Variants in ZNF335 observed in about 807,000 individuals in gnomAD.
ZNF335 encodes the protein zinc finger protein 335.
ZNF335 carries 84 observed loss-of-function variants against 145.6 expected under a neutral mutation model. The ratio of observed to expected loss-of-function variants is 0.58; its 90% CI spans 0.48 to 0.69. The LOEUF (loss-of-function observed/expected upper bound fraction) is 0.69. Among genes scored for constraint, ZNF335 ranks in the 30% least tolerant of loss-of-function variants. ZNF335 has a pLI of 0.00. For missense variants in ZNF335, 1,865 were observed against 1,809.7 expected, an observed-to-expected ratio of 1.03 and a Z score of -0.55; for synonymous variants, 761 against 717.0, an observed-to-expected ratio of 1.06 and a Z score of -0.98.
chr20:45,961,002 T>G, intron 10 of ZNF335, 120 bp from the exon 11 acceptor site: 1 of 1,351,118 alleles, frequency 7.4e-7, no homozygotes, highest in Non-Finnish European at 1.0e-6. Context: ...CCCTTTCTCT[T>G]AGAATAGTGC....
intron 15 of ZNF335, among the ~76,000 whole-genome samples, chr20:45,958,713 G>C (rs1005629576): frequency 3.3e-5 from 5 of 152,192 alleles, no homozygotes; most frequent in Admixed American, 3.3e-4. Context: ...ACGATCTTCA[G>C]GTGAAGTTCA....
chr20:45,962,113 G>A lies in ZNF335; in HGVS notation c.1603C>T (p.Arg535Trp), dbSNP rs769951683. Residue 535 changes from arginine (R) to tryptophan (W), a missense_variant, in exon 10 of 28, where the codon CGG becomes TGG. Arg to Trp is a moderately radical substitution (Grantham distance 101). Coordinates refer to ENST00000322927, the MANE Select transcript of ZNF335 (RefSeq NM_022095.4). ...CDECSYTSVY[R>W]KDVIRHAAVH... ...GCGGCGTGCCGAATGACGTCCTTCC[G>A]GTAGACACTGGTGTAGCTGCACTCG... The A allele has an allele frequency of 1.3e-5, 20 of 1,587,232 alleles. No homozygotes were observed. Among genetic ancestry groups the A allele is most frequent in the Admixed American group, 5.1e-5 (3 of 58,880 alleles).
intron 17 of ZNF335, among the ~76,000 whole-genome samples, chr20:45,954,431 G>A (rs938347577): frequency 3.3e-5 from 5 of 152,190 alleles, no homozygotes; most frequent in East Asian, 1.9e-4. Context: ...ATGGTTTAAA[G>A]ATTAAAATGT....
At chr20:45,950,183 CCT>C (rs1423127460) in intron 22 of ZNF335, 34 bp downstream of exon 22, 3 of 1,564,500 alleles carry the variant, frequency 1.9e-6, no homozygotes, top group Admixed American at 1.8e-5. Flanking sequence ...CTGGATCTAC[CCT>C]GTTGCCCACC....
chr20:45,961,386 G>A (rs2083840678), intron 10 of ZNF335: 1 of 154,186 alleles, frequency 6.5e-6, no homozygotes, highest in Non-Finnish European at 1.4e-5. Flanking sequence ...GTGAGACCCT[G>A]TCAATCAGTC....
In ZNF335 at chr20:45,967,860, G is replaced by C. The variant is rs745997566; in HGVS notation, c.688C>G (p.Leu230Val). The stretch of plus-strand genomic sequence containing the variant: ...TCCATCATGGCCTCCAGGCTCTGCA[G>C]GTCCGGCTCTTCGGCACCGGAGGCT... ...PPASGAEEPD[L>V]QSLEAMMEVV... The change falls in exon 5 of 28, where the codon CTG becomes GTG. Residue 230 changes from leucine to valine, a missense_variant. By Grantham distance (32) the Leu-to-Val change is conservative. Transcript: ENST00000322927. The C allele has an allele frequency of 2.5e-6, 4 of 1,613,316 alleles. No individual in the cohort carries two copies. In the African/African-American group the frequency reaches 5.3e-5, roughly 22 times the overall value.
chr20:45,967,138 G>A (rs1278389754), intron 6 of ZNF335: 1 of 245,912 alleles, frequency 4.1e-6, no homozygotes, highest in Non-Finnish European at 8.1e-6. Context: ...AGCTACTCGG[G>A]AGGCTGAGAT....
At chr20:45,960,574 G>A in intron 12 of ZNF335, 42 bp downstream of exon 12, 1 of 1,613,804 alleles carries the variant, frequency 6.2e-7, no homozygotes, top group Non-Finnish European at 8.5e-7. Context: ...CCATCACCCA[G>A]GGGAGGCCCT....
rs781149477 is a variant in ZNF335 at position 45,960,772 on chromosome 20, G to A, written c.1666-40C>T. ...GAAGGGGCCAGATGGAGAAAGAAGTGGAGGAGGGAGGATAAAACCTCCCCT... is the reference window on the plus strand; with the variant it reads ...GAAGGGGCCAGATGGAGAAAGAAGTAGAGGAGGGAGGATAAAACCTCCCCT... On this transcript the variant is annotated intron_variant, in intron 11 of 27. Coordinates refer to ENST00000322927, the MANE Select transcript of ZNF335 (RefSeq NM_022095.4). 15 of 1,612,168 alleles carry A rather than the reference G, an allele frequency of 9.3e-6. No homozygotes were observed. In the South Asian group the frequency reaches 1.2e-4, roughly 13 times the overall value.
At chr20:45,967,138 G>C (rs1278389754) in intron 6 of ZNF335, 1 of 245,912 alleles carries the variant, frequency 4.1e-6, no homozygotes, top group South Asian at 6.6e-5. Context: ...AGCTACTCGG[G>C]AGGCTGAGAT....
At chr20:45,950,135 G>A (rs2083603183) in intron 22 of ZNF335, 66 bp from the exon 23 acceptor site, 9 of 1,602,080 alleles carry the variant, frequency 5.6e-6, no homozygotes, top group Non-Finnish European at 7.7e-6. Flanking sequence ...AGCTGCTACT[G>A]TACCCAGTGG....
In ZNF335 at chr20:45,952,619, A is replaced by G. The variant is rs36054303; in HGVS notation, c.2793T>C (p.Gly931=). 20 of 1,613,842 alleles carry G rather than the reference A, an allele frequency of 1.2e-5. No homozygotes were observed. In the South Asian group the frequency reaches 1.8e-4, roughly 14 times the overall value. Reference sequence around the variant, plus strand: ...TCACCTCAATGTGGTGCAACTGGGTACCATCAGTAGCCATGATGTAGTGGG... The same window carrying G: ...TCACCTCAATGTGGTGCAACTGGGTGCCATCAGTAGCCATGATGTAGTGGG... The part of the protein sequence containing the change: ...AGTHYIMATD[G]TQLHHIELTA... The change falls in exon 19 of 28, where the codon GGT becomes GGC. Residue 931 remains glycine, a synonymous_variant. Coordinates refer to ENST00000322927, the MANE Select transcript of ZNF335 (RefSeq NM_022095.4).
intron 7 of ZNF335, chr20:45,964,296 C>CATT: frequency 3.2e-6 from 1 of 309,746 alleles, no homozygotes; most frequent in Admixed American, 4.5e-5. Context: ...TGTGCACCTA[C>CATT]AGACAAAGCC....
rs775125203 is a variant in ZNF335 at position 45,957,580 on chromosome 20, G to A, written c.2442+6C>T. On this transcript the variant is annotated splice_donor_region_variant and intron_variant, in intron 17 of 27. Coordinates refer to ENST00000322927, the MANE Select transcript of ZNF335 (RefSeq NM_022095.4). ...GGGAAGGGGAGCAGGTTCCCAGGCA[G>A]CTCACCTGCAGGGCTGTGCCCCCCA... 6.2e-7 allele frequency: 1 copy of A among 1,613,818 alleles called. No individual in the cohort carries two copies. The highest frequency in any genetic ancestry group is 2.2e-5 in the East Asian group (1 of 44,884).
At position 45,950,329 on chromosome 20, in the gene ZNF335, T is replaced by G. The variant is rs1375365298; in HGVS notation, c.3377A>C (p.His1126Pro). ...TCCTGACTTCCTCCCATCAGGACTG[T>G]GCAGCCGCTGGATGTGGAACTTGAG... ...GHLKFHIQRL[H>P]SPDGRKSGTP... Residue 1126 changes from histidine to proline, a missense_variant, in exon 22 of 28, where the codon CAC becomes CCC. His to Pro is a moderately conservative substitution (Grantham distance 77). Transcript: ENST00000322927. 1 of 1,581,086 alleles carries G rather than the reference T, an allele frequency of 6.3e-7. No homozygotes were observed. The highest frequency in any genetic ancestry group is 8.6e-7 in the Non-Finnish European group (1 of 1,161,302).
chr20:45,969,922 G>C (rs2084028872), intron 2 of ZNF335: 5 of 444,620 alleles, frequency 1.1e-5, no homozygotes, highest in Non-Finnish European at 3.9e-6. Flanking sequence ...ACAAAAATAA[G>C]AGAAGGGACT....
At position 45,968,331 on chromosome 20, in the gene ZNF335, G is replaced by A. The variant is rs750189646; in HGVS notation, c.474C>T (p.Gly158=). The part of the protein sequence containing the change: ...NCITVTSAED[G]GAETTRYLIL... Reference sequence around the variant, plus strand: ...TCAGGTACCGTGTGGTCTCGGCCCCGCCATCCTCAGCACTGGTCACAGTGA... The same window carrying A: ...TCAGGTACCGTGTGGTCTCGGCCCCACCATCCTCAGCACTGGTCACAGTGA... The change falls in exon 4 of 28, where the codon GGC becomes GGT. Residue 158 remains glycine (G), a synonymous_variant. Coordinates refer to ENST00000322927, the MANE Select transcript of ZNF335 (RefSeq NM_022095.4). The A allele has an allele frequency of 5.7e-5, 92 of 1,612,790 alleles. 1 individual carries two copies. In the South Asian group the frequency reaches 5.8e-4, roughly 10 times the overall value.
At chr20:45,962,446 T>C (rs1364218267) in intron 9 of ZNF335, among the ~76,000 whole-genome samples, 1 of 152,234 alleles carries the variant, frequency 6.6e-6, no homozygotes, top group Non-Finnish European at 1.5e-5. Context: ...TGGAGGGACC[T>C]TGCGATGGCA....
chr20:45,950,528 T>C lies in ZNF335; in HGVS notation c.3257A>G (p.Asn1086Ser). 1 of 1,614,194 alleles carries C rather than the reference T, an allele frequency of 6.2e-7. No homozygotes were observed. Among genetic ancestry groups the C allele is most frequent in the Non-Finnish European group, 8.5e-7 (1 of 1,180,044 alleles). ...QCSQCSFASK[N>S]KKDLRRHMLT... ...CATGTGCCGACGCAGGTCCTTCTTG[T>C]TCTTGGAGGCAAAGCTGCACTGGCT... Residue 1086 changes from asparagine to serine, a missense_variant, in exon 21 of 28, where the codon AAC (asparagine) becomes AGC (serine). Physicochemically the swap from Asn to Ser is conservative, Grantham distance 46. Transcript: ENST00000322927.
Sources: gnomAD v4.1 joint callset for allele counts (sites outside exome capture counted in the v4.1 genomes callset) on GRCh38, gnomAD v4.1.1 for gene constraint, MANE v1.5 for transcripts, NCBI Gene and HGNC (gene_info 2026-07-23, HGNC 2026-07-21) for gene names.